The following TBC1D20 variants were observed in gnomAD, a reference collection of about 807,000 sequenced individuals.
TBC1D20 encodes the protein TBC1 domain family member 20.
TBC1D20 carries 12 observed loss-of-function variants against 41.6 expected under a neutral mutation model. The ratio of observed to expected loss-of-function variants is 0.29; its 90% CI spans 0.18 to 0.47. The LOEUF is 0.47. TBC1D20 is among the 20% of genes least tolerant of loss of function. TBC1D20 has a pLI of 1.00. For missense variants in TBC1D20, 421 were observed against 517.4 expected (o/e 0.81, Z 1.81); for synonymous variants, 205 against 204.8 (o/e 1.00, Z -0.01).
rs2122387816 is a variant in TBC1D20 at position 442,052 on chromosome 20, A to G, written c.338-9T>C. The G allele has an allele frequency of 6.2e-7, 1 of 1,603,752 alleles. No individual in the cohort carries two copies. The highest frequency in any genetic ancestry group is 1.1e-5 in the South Asian group (1 of 90,550). ...CTGTTCCTCTGGCATGCCTGGGGAC[A>G]GGAACAGAGATGCCTTTGAACATAC... On this transcript the variant is annotated splice_polypyrimidine_tract_variant and intron_variant, in intron 3 of 7. Transcript: ENST00000354200.
At position 438,196 on chromosome 20, in the gene TBC1D20, A is replaced by T. The variant is rs2017154672; in HGVS notation, c.*390T>A. ...TCTGATGCAGGCAAGCAGGAGCAGTAAGAGGGCATCCCATGTTCCAGTTCA... is the reference window on the plus strand; with the variant it reads ...TCTGATGCAGGCAAGCAGGAGCAGTTAGAGGGCATCCCATGTTCCAGTTCA... On this transcript the variant is annotated 3_prime_UTR_variant, in exon 8 of 8. Transcript: ENST00000354200. 5.3e-6 allele frequency: 1 copy of T among 187,778 alleles called. No homozygotes were observed. Among genetic ancestry groups the T allele is most frequent in the South Asian group, 1.0e-4 (1 of 9,742 alleles). 11.6% of individuals were successfully genotyped at this position (187,778 alleles called of 1,614,324 possible). A position where few individuals can be genotyped will look rare whatever the true frequency, so the allele number is the denominator to read the frequency against.
At chr20:444,863 G>C (rs939711465) in intron 3 of TBC1D20, among the ~76,000 whole-genome samples, 187 bp downstream of exon 3, 2 of 152,154 alleles carry the variant, frequency 1.3e-5, no homozygotes, top group Non-Finnish European at 2.9e-5. Context: ...TAGGCCAGGA[G>C]AAATTATTTT....
At position 453,413 on chromosome 20, in the gene TBC1D20, GCAGTGAGCCGAGAT is replaced by G. The variant is rs1265092715; in HGVS notation, c.71-5353_71-5340del. ...TGCTTGAACCTGGGAGGCAGAGGTT[GCAGTGAGCCGAGAT>G]CATGCTATATGCCACTGCACTCTAG... On this transcript the variant is annotated intron_variant, in intron 1 of 7. Coordinates refer to ENST00000354200, the MANE Select transcript of TBC1D20 (RefSeq NM_144628.4). 2.0e-5 allele frequency among the ~76,000 whole-genome samples: 3 copies of G among 147,854 alleles called. 1 individual carries two copies. Among genetic ancestry groups the G allele is most frequent in the African/African-American group, 7.6e-5 (3 of 39,312 alleles).
chr20:462,198 T>G, intron 1 of TBC1D20, 138 bp downstream of exon 1: 2 of 304,310 alleles, frequency 6.6e-6, no homozygotes, highest in South Asian at 1.3e-4. Context: ...GCCCTCAGCC[T>G]GTTCCTCTCG....
intron 1 of TBC1D20, among the ~76,000 whole-genome samples, chr20:457,155 C>T (rs1364396991): frequency 2.6e-5 from 4 of 151,518 alleles, no homozygotes; most frequent in African/African-American, 9.7e-5. Context: ...AGGCTGGTCT[C>T]GAACTCCCCA....
intron 2 of TBC1D20, among the ~76,000 whole-genome samples, chr20:447,258 C>T (rs1368970722): frequency 6.6e-6 from 1 of 151,684 alleles, no homozygotes; most frequent in Non-Finnish European, 1.5e-5. Flanking sequence ...CCACACCCGG[C>T]CCAAAATATG....
chr20:461,358 CAATT>C (rs2017626109), intron 1 of TBC1D20, among the ~76,000 whole-genome samples: 1 of 152,128 alleles, frequency 6.6e-6, no homozygotes, highest in Non-Finnish European at 1.5e-5. Flanking sequence ...GCTTTTTATA[CAATT>C]ATTTACTTAT....
rs1382082746 is a variant in TBC1D20 at position 462,320 on chromosome 20, C to G, written c.70+16G>C. The G allele has an allele frequency of 3.1e-6, 4 of 1,286,064 alleles. No individual in the cohort carries two copies. Among genetic ancestry groups the G allele is most frequent in the Non-Finnish European group, 4.0e-6 (4 of 1,008,244 alleles). The allele number at this position is 1,286,064 out of a possible 1,614,324, so 79.7% of individuals were successfully genotyped here. Reference sequence around the variant, plus strand: ...CCCTCGCAGGCCGCTCCCGGCGCCCCGGTCGGCTTCCGTACCTGCCTTCTC... The same window carrying G: ...CCCTCGCAGGCCGCTCCCGGCGCCCGGGTCGGCTTCCGTACCTGCCTTCTC... On this transcript the variant is annotated intron_variant, in intron 1 of 7. Coordinates refer to ENST00000354200, the MANE Select transcript of TBC1D20 (RefSeq NM_144628.4).
chr20:441,990 G>C lies in TBC1D20; in HGVS notation c.391C>G (p.Leu131Val). 2 of 1,614,074 alleles carry C rather than the reference G, an allele frequency of 1.2e-6. No individual in the cohort carries two copies. Among genetic ancestry groups the C allele is most frequent in the Non-Finnish European group, 1.7e-6 (2 of 1,180,002 alleles). Residue 131 changes from leucine (L) to valine (V), a missense_variant, in exon 4 of 8, where the codon CTC (leucine) becomes GTC (valine). Coordinates refer to ENST00000354200, the MANE Select transcript of TBC1D20 (RefSeq NM_144628.4). The stretch of plus-strand genomic sequence containing the variant: ...TGAGGGTTGCGCTCCAAGATGAGGA[G>C]GATGATGTCAATCAGTTCTTCCTGG... ...GLQEELIDII[L>V]LILERNPQLH...
chr20:455,731 G>A (rs1008974517), intron 1 of TBC1D20, among the ~76,000 whole-genome samples: 3 of 152,020 alleles, frequency 2.0e-5, no homozygotes, highest in African/African-American at 2.4e-5. Context: ...TCAGGCGTTC[G>A]AGACCAGCCT....
At chr20:460,375 G>C (rs1438147959) in intron 1 of TBC1D20, among the ~76,000 whole-genome samples, 2 of 150,702 alleles carry the variant, frequency 1.3e-5, no homozygotes, top group Non-Finnish European at 2.9e-5. Flanking sequence ...GGAGATGACA[G>C]TGAGCTTTGA....
In TBC1D20 at chr20:437,771, T is replaced by C. The variant is rs886858635; in HGVS notation, c.*815A>G. 1.3e-5 allele frequency: 2 copies of C among 153,594 alleles called. No individual in the cohort carries two copies. Among genetic ancestry groups the C allele is most frequent in the Non-Finnish European group, 2.9e-5 (2 of 67,994 alleles). The allele number at this position is 153,594 out of a possible 1,614,324, so 9.5% of individuals were successfully genotyped here. A position where few individuals can be genotyped will look rare whatever the true frequency, so the allele number is the denominator to read the frequency against. On this transcript the variant is annotated 3_prime_UTR_variant, in exon 8 of 8. Transcript: ENST00000354200. The stretch of plus-strand genomic sequence containing the variant: ...AGCTCATCCTTCTGATGAGAACTAT[T>C]TTTTTTTCCGTGAAGGAACTATTAT...
intron 1 of TBC1D20, among the ~76,000 whole-genome samples, chr20:451,527 G>A (rs552539951): frequency 6.6e-6 from 1 of 152,138 alleles, no homozygotes; most frequent in Non-Finnish European, 1.5e-5. Context: ...TAGCCTGGAC[G>A]TCAGAGCAAG....
At chr20:460,379 G>A (rs1464949161) in intron 1 of TBC1D20, among the ~76,000 whole-genome samples, 1 of 150,176 alleles carries the variant, frequency 6.7e-6, no homozygotes, top group Non-Finnish European at 1.5e-5. Context: ...ATGACAGTGA[G>A]CTTTGACTGT....
In TBC1D20 at chr20:438,320, A is replaced by C; in HGVS notation, c.*266T>G. On this transcript the variant is annotated 3_prime_UTR_variant, in exon 8 of 8. Transcript: ENST00000354200. ...AAGCTTCAGAAACCCACTTCCTCCA[A>C]CACCAGGGAGGTGGCAGAGAGCCCA... 1 of 482,184 alleles carries C rather than the reference A, an allele frequency of 2.1e-6. No individual in the cohort carries two copies. The highest frequency in any genetic ancestry group is 3.7e-6 in the Non-Finnish European group (1 of 271,280). 29.9% of individuals were successfully genotyped at this position (482,184 alleles called of 1,614,324 possible).
chr20:449,078 G>A (rs35381164), intron 1 of TBC1D20, among the ~76,000 whole-genome samples: 22,269 of 148,624 alleles, frequency 0.15, 1,891 homozygotes, highest in Middle Eastern at 0.26. Flanking sequence ...AACTCCTGAC[G>A]TCGTGATCCT....
At chr20:462,188 G>T in intron 1 of TBC1D20, 148 bp downstream of exon 1, 1 of 351,140 alleles carries the variant, frequency 2.8e-6, no homozygotes, top group South Asian at 1.3e-4. Flanking sequence ...CGTGCCCTGG[G>T]CCCTCAGCCT....
At chr20:446,226 C>T (rs1200805490) in intron 2 of TBC1D20, among the ~76,000 whole-genome samples, 1 of 152,240 alleles carries the variant, frequency 6.6e-6, no homozygotes. Context: ...CTATTTTGAA[C>T]TTCATTCCAA....
At chr20:449,918 G>A (rs1226589632) in intron 1 of TBC1D20, among the ~76,000 whole-genome samples, 1 of 152,184 alleles carries the variant, frequency 6.6e-6, no homozygotes, top group African/African-American at 2.4e-5. Context: ...TAAACGCTCA[G>A]TAAATTCAGG....
Sources: allele counts gnomAD v4.1 joint callset (sites outside exome capture counted in the v4.1 genomes callset), GRCh38; gene constraint gnomAD v4.1.1; transcripts MANE v1.5; gene names NCBI Gene and HGNC (gene_info 2026-07-23, HGNC 2026-07-21).